The following PSD2 variants were observed in gnomAD, a reference collection of about 807,000 sequenced individuals.
The protein encoded by PSD2 is PH and SEC7 domain-containing protein 2.
Under a neutral mutation model 69.8 loss-of-function variants are expected in PSD2, and 38 were observed. The ratio of observed to expected loss-of-function variants is 0.54; its 90% CI spans 0.42 to 0.71. The LOEUF (loss-of-function observed/expected upper bound fraction) is 0.71, where lower values mean the gene tolerates loss of function less well. Among genes scored for constraint, PSD2 ranks in the 30% least tolerant of loss-of-function variants. The pLI, the probability that PSD2 is intolerant of heterozygous loss-of-function variation, is 0.00. For missense variants in PSD2, 943 were observed against 1,014.5 expected (o/e 0.93, Z 0.96); for synonymous variants, 412 against 423.0 (o/e 0.97, Z 0.32).
the PSD2 span, among the ~76,000 whole-genome samples, chr5:139,783,945 T>A: frequency 1.2e-5 from 1 of 80,060 alleles, no homozygotes; most frequent in Non-Finnish European, 2.9e-5. Flanking sequence ...TGCTAGCTCT[T>A]TTTTTTTTTT....
intron 8 of PSD2, among the ~76,000 whole-genome samples, chr5:139,835,405 T>A (rs1760691694): frequency 6.6e-6 from 1 of 152,204 alleles, no homozygotes; most frequent in African/African-American, 2.4e-5. Context: ...ATTTACCCTG[T>A]CGAGCACTTG....
At chr5:139,783,579 C>T in the PSD2 span, among the ~76,000 whole-genome samples, 6 of 152,280 alleles carry the variant, frequency 3.9e-5, no homozygotes, top group South Asian at 1.2e-3. Flanking sequence ...ACCTCTTGGC[C>T]GTCATGAGTA....
intron 1 of PSD2, among the ~76,000 whole-genome samples, chr5:139,804,785 G>A (rs2126928547): frequency 7.0e-6 from 1 of 142,456 alleles, no homozygotes. Context: ...TTGCCCATAG[G>A]CCTGCCAGTG....
rs1470547572 is a variant in PSD2 at position 139,838,680 on chromosome 5, A to G, written c.1876A>G (p.Ile626Val). The G allele has an allele frequency of 1.9e-6, 3 of 1,613,980 alleles. No homozygotes were observed. The East Asian group carries it at 6.7e-5, about 36-fold the overall frequency. Reference sequence around the variant, plus strand: ...CCTCAGGATCAACCTGGTGGCAGCCATCTTCTCTGCCCCGGCCTTCCCAGC... The same window carrying G: ...CCTCAGGATCAACCTGGTGGCAGCCGTCTTCTCTGCCCCGGCCTTCCCAGC... Reference protein sequence around the residue: ...WILRINLVAAIFSAPAFPAAV... With the variant: ...WILRINLVAAVFSAPAFPAAV... The change falls in exon 13 of 15, where the codon ATC becomes GTC. Residue 626 changes from isoleucine to valine, a missense_variant. Physicochemically the swap from Ile to Val is conservative, Grantham distance 29 (BLOSUM62 3). Around this residue, in one of 3 missense-constraint regions of PSD2, gnomAD observed 312 missense variants for 400.7 expected, o/e 0.78. Transcript: ENST00000274710.
chr5:139,840,019 C>T lies in PSD2; in HGVS notation c.1969-8C>T, dbSNP rs1277605237. 1 of 1,613,974 alleles carries T rather than the reference C, an allele frequency of 6.2e-7. No homozygotes were observed. The highest frequency in any genetic ancestry group is 1.3e-5 in the African/African-American group (1 of 74,932). ...TAAGGCCTCACAGTCCAGGATTTGT[C>T]TTTGCAGGAGGAGCAACTGCGGTCT... On this transcript the variant is annotated splice_region_variant and splice_polypyrimidine_tract_variant and intron_variant, in intron 13 of 14. Transcript: ENST00000274710.
In PSD2 at chr5:139,809,489, A is replaced by G. The variant is rs1452153836; in HGVS notation, c.49A>G (p.Thr17Ala). ...LSAVPEEGDA[T>A]RDPGPEPEEE... ...TGCAGTGCCTGAGGAAGGCGATGCC[A>G]CCCGTGACCCCGGTCCAGAGCCTGA... is the stretch of plus-strand genomic sequence containing the variant. Residue 17 changes from threonine (T) to alanine (A), a missense_variant, in exon 2 of 15, where the codon ACC becomes GCC. Physicochemically the swap from Thr to Ala is moderately conservative, Grantham distance 58. Around this residue, in one of 3 missense-constraint regions of PSD2, gnomAD observed 466 missense variants for 445.0 expected, o/e 1.05. Coordinates refer to ENST00000274710, the MANE Select transcript of PSD2 (RefSeq NM_032289.4). 5.6e-6 allele frequency: 9 copies of G among 1,612,720 alleles called. No individual in the cohort carries two copies. The highest frequency in any genetic ancestry group is 7.6e-6 in the Non-Finnish European group (9 of 1,179,496).
At chr5:139,774,422 GAAGAGGTGGTTT>G in the PSD2 span, among the ~76,000 whole-genome samples, 332 of 152,314 alleles carry the variant, frequency 2.2e-3, no homozygotes, top group African/African-American at 7.6e-3. Context: ...GGGAATGGGG[GAAGAGGTGGTTT>G]AAGAGGTGGG....
intron 7 of PSD2, among the ~76,000 whole-genome samples, chr5:139,830,580 T>TTC (rs1368094587): frequency 1.4e-3 from 196 of 137,290 alleles, no homozygotes; most frequent in African/African-American, 4.7e-3. Flanking sequence ...CTTTCTTTCT[T>TTC]TCTTTCTTTC....
the PSD2 span, among the ~76,000 whole-genome samples, chr5:139,771,675 G>A: frequency 1.5e-3 from 221 of 152,250 alleles, no homozygotes; most frequent in African/African-American, 5.0e-3. Flanking sequence ...ACCGCGCCCC[G>A]CAGCCTGCTT....
intron 7 of PSD2, among the ~76,000 whole-genome samples, chr5:139,824,960 C>T (rs562597932): frequency 4.6e-5 from 7 of 152,236 alleles, no homozygotes; most frequent in South Asian, 2.1e-4. Context: ...AAGGGGCTAT[C>T]GGGCTATAGG....
the PSD2 span, among the ~76,000 whole-genome samples, chr5:139,772,359 C>G: frequency 6.6e-6 from 1 of 152,184 alleles, no homozygotes; most frequent in Non-Finnish European, 1.5e-5. Flanking sequence ...CCGAGCCGAT[C>G]TGTAAAAAGC....
intron 7 of PSD2, among the ~76,000 whole-genome samples, chr5:139,830,521 T>TCTTC (rs534774072): frequency 0.26 from 24,827 of 96,868 alleles, 3,920 homozygotes; most frequent in East Asian, 0.46. Flanking sequence ...CAGCTAATTT[T>TCTTC]CTTCCTTCCT....
chr5:139,802,670 T>C (rs1759704427), intron 1 of PSD2, among the ~76,000 whole-genome samples: 1 of 152,112 alleles, frequency 6.6e-6, no homozygotes, highest in Non-Finnish European at 1.5e-5. Flanking sequence ...CAGTTGGGCA[T>C]AGAGTCACCA....
chr5:139,814,341 T>A lies in PSD2; in HGVS notation c.993T>A (p.Asp331Glu), dbSNP rs770537068. 9 of 1,605,778 alleles carry A rather than the reference T, an allele frequency of 5.6e-6. No homozygotes were observed. The highest frequency in any genetic ancestry group is 1.3e-5 in the African/African-American group (1 of 74,476). The change falls in exon 4 of 15, where the codon GAT (aspartate) becomes GAA (glutamate). Residue 331 changes from aspartate (D) to glutamate (E), a missense_variant. By Grantham distance (45) the Asp-to-Glu change is conservative (BLOSUM62 2). This residue lies in a region of PSD2 where 466 missense variants were observed against 445.0 expected (regional missense o/e 1.05). Transcript: ENST00000274710. This position sits in a 1 kb window ranked among gnomAD's most constrained non-coding sequence, Gnocchi z 4.4. ...LYHLEGFQRC[D>E]VARQLGKNNE... ...ACCTCGAGGGCTTCCAGCGCTGTGA[T>A]GTGGCCCGGCAGCTGGGCAAGAAGT...
At chr5:139,830,626 C>CTTTCTTTCTCTTTCTT (rs58644184) in intron 7 of PSD2, among the ~76,000 whole-genome samples, 11 of 97,660 alleles carry the variant, frequency 1.1e-4, no homozygotes, top group African/African-American at 5.8e-4. Context: ...TTCTTTCTTT[C>CTTTCTTTCTCTTTCTT]TCTTTCTTTC....
chr5:139,807,863 G>A (rs935522107), intron 1 of PSD2, among the ~76,000 whole-genome samples: 4 of 152,172 alleles, frequency 2.6e-5, no homozygotes, highest in Admixed American at 6.5e-5. Flanking sequence ...CACTTGCCTC[G>A]TTATAAGAAT....
the PSD2 span, among the ~76,000 whole-genome samples, chr5:139,761,809 T>C: frequency 6.6e-6 from 1 of 152,132 alleles, no homozygotes; most frequent in East Asian, 1.9e-4. Flanking sequence ...CTTTGTGATA[T>C]ATGTTTTGGT....
the PSD2 span, among the ~76,000 whole-genome samples, chr5:139,766,880 T>TTTCTTTCTTTCC: frequency 2.0e-5 from 3 of 148,506 alleles, no homozygotes; most frequent in Admixed American, 6.7e-5. Flanking sequence ...TCTTTCTTTC[T>TTTCTTTCTTTCC]TTCTTTCCTT....
At chr5:139,768,513 G>A in the PSD2 span, among the ~76,000 whole-genome samples, 2 of 152,120 alleles carry the variant, frequency 1.3e-5, no homozygotes, top group Non-Finnish European at 2.9e-5. Context: ...GCCTGAGGAA[G>A]GGAGTTCGAG....
Sources: allele counts gnomAD v4.1 joint callset (sites outside exome capture counted in the v4.1 genomes callset), GRCh38; gene constraint gnomAD v4.1.1; regional missense constraint gnomAD v4.1.1; non-coding constraint Gnocchi (gnomAD v3.1); transcripts MANE v1.5; gene names NCBI Gene and HGNC (gene_info 2026-07-23, HGNC 2026-07-21).